MRC2: variants seen among roughly 807,000 people sequenced by gnomAD.
The protein encoded by MRC2 is C-type mannose receptor 2.
MRC2 carries 84 observed loss-of-function variants against 206.2 expected under a neutral mutation model. The observed-to-expected ratio is 0.41, with a 90% CI of 0.34 to 0.49. MRC2 has a LOEUF of 0.49. MRC2 is among the 20% of genes least tolerant of loss of function. The pLI, the probability that MRC2 is intolerant of heterozygous loss-of-function variation, is 0.31. For missense variants in MRC2, 1,676 were observed against 2,001.5 expected (o/e 0.84, Z 3.10); for synonymous variants, 798 against 800.0 (o/e 1.00, Z 0.04).
chr17:62,671,398 C>T lies in MRC2; in HGVS notation c.1118-251C>T, dbSNP rs1259168126. Among the ~76,000 whole-genome samples, 1 of 152,182 alleles carries T rather than the reference C, an allele frequency of 6.6e-6. No homozygotes were observed. Among genetic ancestry groups the T allele is most frequent in the Non-Finnish European group, 1.5e-5 (1 of 68,024 alleles). ...CCCATCGTATTCTGAGAGCCACAGC[C>T]AGAGGAAGTGTTCTGTCCTGGGTGG... On this transcript the variant is annotated intron_variant, in intron 6 of 29. Coordinates refer to ENST00000303375, the MANE Select transcript of MRC2 (RefSeq NM_006039.5). This position sits in a 1 kb window ranked among gnomAD's most constrained non-coding sequence, Gnocchi z 4.5.
intron 18 of MRC2, chr17:62,681,595 T>C (rs2088967052): frequency 2.0e-6 from 1 of 510,122 alleles, no homozygotes; most frequent in South Asian, 2.5e-5. Flanking sequence ...TGCCCTGGAG[T>C]CCTCAGGCTT....
rs1046065673 is a variant in MRC2 at position 62,667,739 on chromosome 17, T to A, written c.1117+206T>A. On this transcript the variant is annotated intron_variant, in intron 6 of 29. Transcript: ENST00000303375. The surrounding 1 kb of genome is among the most constrained non-coding windows in gnomAD (Gnocchi z 4.1). ...TTCATTTGGGGAACATGTGCTGAGA[T>A]CTGTGTTAAATGCTGGCAATACCCA... Among the ~76,000 whole-genome samples, 2 of 152,212 alleles carry A rather than the reference T, an allele frequency of 1.3e-5. No homozygotes were observed. Among genetic ancestry groups the A allele is most frequent in the Admixed American group, 1.3e-4 (2 of 15,276 alleles).
At chr17:62,687,402 C>T (rs1175189731) in intron 20 of MRC2, among the ~76,000 whole-genome samples, 1 of 152,180 alleles carries the variant, frequency 6.6e-6, no homozygotes, top group Non-Finnish European at 1.5e-5. Flanking sequence ...TCAGGTGATC[C>T]ACCCGCCTTG....
At chr17:62,661,562 CTCCTTCCTTCCTTCAT>C (rs1405866523) in intron 1 of MRC2, 7 of 125,462 alleles carry the variant, frequency 5.6e-5, no homozygotes, top group African/African-American at 1.5e-4. Flanking sequence ...TTCTTTCTTT[CTCCTTCCTTCCTTCAT>C]TCCTTCCTTC....
chr17:62,692,067 G>T lies in MRC2; in HGVS notation c.4193-45G>T. 1.2e-6 allele frequency: 2 copies of T among 1,611,770 alleles called. No individual in the cohort carries two copies. Among genetic ancestry groups the T allele is most frequent in the Non-Finnish European group, 1.7e-6 (2 of 1,177,894 alleles). On this transcript the variant is annotated intron_variant, in intron 28 of 29. Coordinates refer to ENST00000303375, the MANE Select transcript of MRC2 (RefSeq NM_006039.5). The surrounding 1 kb of genome is among the most constrained non-coding windows in gnomAD (Gnocchi z 4.2). ...GTATGTTTACTTAAGTGATTATTAC[G>T]ATGATCACTGCTATTATTAACTGGC...
Position 62,689,763 on chromosome 17 carries a change from G to A in MRC2, c.3573+3G>A. The A allele has an allele frequency of 1.9e-6, 3 of 1,540,004 alleles. No individual in the cohort carries two copies. Among genetic ancestry groups the A allele is most frequent in the South Asian group, 2.4e-5 (2 of 82,468 alleles). On this transcript the variant is annotated splice_donor_region_variant and intron_variant, in intron 24 of 29. Coordinates refer to ENST00000303375, the MANE Select transcript of MRC2 (RefSeq NM_006039.5). The stretch of plus-strand genomic sequence containing the variant: ...GGATTGGGCTGGCTGGCGAGGAGGT[G>A]GGCTCCCGACACTTTTGCCCTGGGC...
At chr17:62,681,003 C>A in intron 17 of MRC2, 43 bp downstream of exon 17, 1 of 1,611,870 alleles carries the variant, frequency 6.2e-7, no homozygotes. Flanking sequence ...TGGGGGAGGG[C>A]AGGCCCGGGA....
chr17:62,642,065 AT>A lies in MRC2; in HGVS notation c.118+14153del, dbSNP rs545892586. ...ACACCCAAGAAATAGAGCGGATGCA[AT>A]TTTTTTTCTCATATGCAGTCCGTGT... On this transcript the variant is annotated intron_variant, in intron 1 of 29. Coordinates refer to ENST00000303375, the MANE Select transcript of MRC2 (RefSeq NM_006039.5). Among the ~76,000 whole-genome samples the A allele has an allele frequency of 2.3e-3, 348 of 152,142 alleles. 2 individuals carry two copies. The highest frequency in any genetic ancestry group is 2.9e-3 in the Non-Finnish European group (194 of 67,986).
At position 62,672,255 on chromosome 17, in the gene MRC2, G is replaced by A; in HGVS notation, c.1461+103G>A. On this transcript the variant is annotated intron_variant, in intron 8 of 29. Coordinates refer to ENST00000303375, the MANE Select transcript of MRC2 (RefSeq NM_006039.5). The surrounding 1 kb of genome is among the most constrained non-coding windows in gnomAD (Gnocchi z 4.5). ...CCTAGTTACTATCAGAACCTGCCTG[G>A]AACCTCTTACCTCTCAGCAGTCCCC... The A allele has an allele frequency of 1.4e-6, 2 of 1,400,712 alleles. No individual in the cohort carries two copies. The highest frequency in any genetic ancestry group is 2.0e-6 in the Non-Finnish European group (2 of 1,004,290). 86.8% of individuals were successfully genotyped at this position (1,400,712 alleles called of 1,614,324 possible).
chr17:62,672,991 CA>C lies in MRC2; in HGVS notation c.1461+852del, dbSNP rs10640837. ...TGGGTGACAGAGCAAGACCCTGTCT[CA>C]AAAAAAAAAAAATAAAATAAAAAGG... On this transcript the variant is annotated intron_variant, in intron 8 of 29. Coordinates refer to ENST00000303375, the MANE Select transcript of MRC2 (RefSeq NM_006039.5). The surrounding 1 kb of genome is among the most constrained non-coding windows in gnomAD (Gnocchi z 4.5). Among the ~76,000 whole-genome samples, 73 of 143,364 alleles carry C rather than the reference CA, an allele frequency of 5.1e-4. No homozygotes were observed. Among genetic ancestry groups the C allele is most frequent in the Middle Eastern group, 3.5e-3 (1 of 282 alleles). 94.1% of individuals were successfully genotyped at this position (143,364 alleles called of 152,430 possible).
Position 62,666,731 on chromosome 17 carries a change from T to TG in MRC2, c.860-25dup, listed in dbSNP as rs751342786. 1.2e-6 allele frequency: 2 copies of TG among 1,609,306 alleles called. No individual in the cohort carries two copies. Among genetic ancestry groups the TG allele is most frequent in the South Asian group, 2.2e-5 (2 of 90,714 alleles). On this transcript the variant is annotated intron_variant, in intron 4 of 29. Coordinates refer to ENST00000303375, the MANE Select transcript of MRC2 (RefSeq NM_006039.5). This position sits in a 1 kb window ranked among gnomAD's most constrained non-coding sequence, Gnocchi z 5.0. ...GGGGAGGCTGGGGCTGGGGATCCCCTGTTCAGTGTCCCTCCTTGCTGTCAG... is the reference window on the plus strand; with the variant it reads ...GGGGAGGCTGGGGCTGGGGATCCCCTGGTTCAGTGTCCCTCCTTGCTGTCAG...
Position 62,675,899 on chromosome 17 carries a change from C to T in MRC2, c.1679C>T (p.Thr560Ile). The change falls in exon 10 of 30, where the codon ACC becomes ATC. Residue 560 changes from threonine to isoleucine, a missense_variant. Thr to Ile is a moderately conservative substitution (Grantham distance 89). This residue lies in a region of MRC2 where 1,354 missense variants were observed against 1,636.6 expected (regional missense o/e 0.83). Coordinates refer to ENST00000303375, the MANE Select transcript of MRC2 (RefSeq NM_006039.5). The surrounding 1 kb of genome is among the most constrained non-coding windows in gnomAD (Gnocchi z 4.1). ...TDHGSQLVTI[T>I]NRFEQAFVSS... ...CATGGCTCTCAGCTGGTCACCATCA[C>T]CAACAGGTACAGCAGGGGCGGGTGC... 6 of 1,613,970 alleles carry T rather than the reference C, an allele frequency of 3.7e-6. No homozygotes were observed. The highest frequency in any genetic ancestry group is 5.1e-6 in the Non-Finnish European group (6 of 1,179,896).
Position 62,666,914 on chromosome 17 carries a change from C to G in MRC2, c.973+44C>G, listed in dbSNP as rs2088764330. ...GGCGCAGGGCAGCATAGGGGCCCCG[C>G]GGGCTCTTGGCCTCCCATGGACTCC... On this transcript the variant is annotated intron_variant, in intron 5 of 29. Coordinates refer to ENST00000303375, the MANE Select transcript of MRC2 (RefSeq NM_006039.5). This position sits in a 1 kb window ranked among gnomAD's most constrained non-coding sequence, Gnocchi z 5.0. 2 of 1,513,510 alleles carry G rather than the reference C, an allele frequency of 1.3e-6. No homozygotes were observed. Among genetic ancestry groups the G allele is most frequent in the African/African-American group, 1.4e-5 (1 of 72,894 alleles). The allele number at this position is 1,513,510 out of a possible 1,614,324, so 93.8% of individuals were successfully genotyped here.
At chr17:62,644,568 G>A (rs767259386) in intron 1 of MRC2, among the ~76,000 whole-genome samples, 4 of 152,078 alleles carry the variant, frequency 2.6e-5, no homozygotes, top group Non-Finnish European at 5.9e-5. Context: ...AAACATGTTC[G>A]TATCTTGGGC....
At chr17:62,628,833 C>G (rs2084192615) in intron 1 of MRC2, among the ~76,000 whole-genome samples, 1 of 151,840 alleles carries the variant, frequency 6.6e-6, no homozygotes. Flanking sequence ...GTGGGGGTGT[C>G]TGGAGTGACC....
intron 1 of MRC2, among the ~76,000 whole-genome samples, chr17:62,651,374 G>A (rs1017575264): frequency 2.0e-5 from 3 of 152,014 alleles, no homozygotes; most frequent in Non-Finnish European, 4.4e-5. Context: ...GAGCCACTGC[G>A]CCCGGCCGAC....
chr17:62,653,894 G>A (rs1259056800), intron 1 of MRC2, among the ~76,000 whole-genome samples: 2 of 152,052 alleles, frequency 1.3e-5, no homozygotes, highest in East Asian at 3.9e-4. Context: ...TGCCCCCCTC[G>A]TCCAGCCCAG....
intron 1 of MRC2, among the ~76,000 whole-genome samples, chr17:62,646,266 C>A (rs1022531392): frequency 1.3e-5 from 2 of 152,034 alleles, no homozygotes; most frequent in Non-Finnish European, 2.9e-5. Flanking sequence ...CCTCGTGATC[C>A]ACCTGCCTCA....
chr17:62,690,904 C>T, intron 27 of MRC2, 45 bp from the exon 28 acceptor site: 8 of 1,523,908 alleles, frequency 5.2e-6, no homozygotes, highest in Non-Finnish European at 7.0e-6. Context: ...CCACCTACTC[C>T]TGCCCCACCT....
Sources: gnomAD v4.1 joint callset for allele counts (sites outside exome capture counted in the v4.1 genomes callset) on GRCh38, gnomAD v4.1.1 for gene constraint, gnomAD v4.1.1 regional missense constraint, Gnocchi (gnomAD v3.1) non-coding constraint, MANE v1.5 for transcripts, NCBI Gene and HGNC (gene_info 2026-07-23, HGNC 2026-07-21) for gene names.